Variants in SHLD1 observed in about 807,000 individuals in gnomAD.
SHLD1 encodes shieldin complex subunit 1.
A neutral mutation model predicts 5.5 loss-of-function variants in SHLD1; 3 were observed. The ratio of observed to expected loss-of-function variants is 0.54; its 90% CI spans 0.25 to 1.40. The LOEUF (loss-of-function observed/expected upper bound fraction) is 1.40. Ranked by LOEUF, SHLD1 falls within the 40% of genes most tolerant of loss-of-function variation. The pLI is 0.15. For synonymous variants in SHLD1, 92 were observed against 94.3 expected (o/e 0.98, Z 0.14); for missense variants, 210 against 244.4 (o/e 0.86, Z 0.94).
At chr20:5,764,156 A>ATATATATATATATATATT (rs1453233954) in intron 1 of SHLD1, among the ~76,000 whole-genome samples, 1 of 45,836 alleles carries the variant, frequency 2.2e-5, no homozygotes, top group Non-Finnish European at 4.3e-5. Flanking sequence ...ATATATTTAT[A>ATATATATATATATATATT]TTTATATATA....
intron 1 of SHLD1, among the ~76,000 whole-genome samples, chr20:5,761,534 G>T (rs1333948730): frequency 1.3e-5 from 2 of 151,646 alleles, no homozygotes; most frequent in Non-Finnish European, 2.9e-5. Flanking sequence ...GTTTCTTAAT[G>T]ATTACTATTT....
At position 5,836,751 on chromosome 20, in the gene SHLD1, C is replaced by G. The variant is rs1202487862; in HGVS notation, c.179-26273C>G. ...AGTTCAGTCATCCTATATGAAACTC[C>G]CCAGACCATAAGCCCTACCCATAGC... On this transcript the variant is annotated intron_variant, in intron 2 of 2. Coordinates refer to ENST00000303142, the MANE Select transcript of SHLD1 (RefSeq NM_152504.4). 2.0e-5 allele frequency among the ~76,000 whole-genome samples: 3 copies of G among 152,276 alleles called. No homozygotes were observed. In the South Asian group the frequency reaches 6.2e-4, roughly 32 times the overall value.
At chr20:5,760,253 G>T (rs985780467) in intron 1 of SHLD1, among the ~76,000 whole-genome samples, 4 of 152,054 alleles carry the variant, frequency 2.6e-5, no homozygotes, top group Non-Finnish European at 5.9e-5. Context: ...TGTGTGTGAG[G>T]GGGGCCTTTG....
chr20:5,845,992 G>A (rs920182523), intron 2 of SHLD1, among the ~76,000 whole-genome samples: 35 of 152,060 alleles, frequency 2.3e-4, no homozygotes, highest in Non-Finnish European at 4.7e-4. Context: ...ACTTAATGTC[G>A]ACTTGATATG....
At chr20:5,833,157 C>T (rs554993519) in intron 2 of SHLD1, among the ~76,000 whole-genome samples, 2 of 152,356 alleles carry the variant, frequency 1.3e-5, no homozygotes, top group East Asian at 3.9e-4. Flanking sequence ...CTAAAATAGA[C>T]TCCTCGGCTT....
rs563233390 is a variant in SHLD1, at chr20:5,803,755, C to A, written c.178+30712C>A. 1.2e-4 allele frequency among the ~76,000 whole-genome samples: 18 copies of A among 151,336 alleles called. No homozygotes were observed. In the South Asian group the frequency reaches 3.6e-3, roughly 30 times the overall value. On this transcript the variant is annotated intron_variant, in intron 2 of 2. Transcript: ENST00000303142. Reference sequence around the variant, plus strand: ...GGCGTGGTGGCACACACCTGTAGTCCCAGCTACTCAGAAGGCTAAGGCAGG... The same window carrying A: ...GGCGTGGTGGCACACACCTGTAGTCACAGCTACTCAGAAGGCTAAGGCAGG...
At chr20:5,826,950 C>T (rs2087673176) in intron 2 of SHLD1, among the ~76,000 whole-genome samples, 1 of 151,768 alleles carries the variant, frequency 6.6e-6, no homozygotes, top group Admixed American at 6.6e-5. Context: ...CCAGTCCCCT[C>T]TTTCTCCCAG....
At chr20:5,829,541 G>A (rs2087704187) in intron 2 of SHLD1, among the ~76,000 whole-genome samples, 1 of 152,170 alleles carries the variant, frequency 6.6e-6, no homozygotes, top group Non-Finnish European at 1.5e-5. Context: ...AAAAAATTGG[G>A]CAGATGGTCT....
intron 2 of SHLD1, among the ~76,000 whole-genome samples, chr20:5,799,467 ATTTTTTTTT>A (rs548170853): frequency 4.1e-5 from 4 of 98,514 alleles, no homozygotes; most frequent in Non-Finnish European, 3.9e-5. Flanking sequence ...TGCCTGGCTA[ATTTTTTTTT>A]TTTTTTTTTT....
At chr20:5,777,746 T>C (rs796488870) in intron 2 of SHLD1, among the ~76,000 whole-genome samples, 5 of 152,094 alleles carry the variant, frequency 3.3e-5, no homozygotes, top group African/African-American at 1.2e-4. Context: ...ATCACATTGT[T>C]ATTGGAAGAA....
intron 2 of SHLD1, among the ~76,000 whole-genome samples, chr20:5,849,758 G>A: frequency 1.3e-5 from 2 of 150,548 alleles, no homozygotes; most frequent in Non-Finnish European, 3.0e-5. Flanking sequence ...AGGAGATCGA[G>A]ACCATCCTGG....
chr20:5,785,796 CAAAA>C (rs34293571), intron 2 of SHLD1, among the ~76,000 whole-genome samples: 1 of 82,336 alleles, frequency 1.2e-5, no homozygotes. Context: ...ACTCCGTCTC[CAAAA>C]AAAAAAAAAA....
chr20:5,799,426 A>G (rs970866797), intron 2 of SHLD1, among the ~76,000 whole-genome samples: 1 of 150,542 alleles, frequency 6.6e-6, no homozygotes, highest in Non-Finnish European at 1.5e-5. Context: ...TTGGCCCCCC[A>G]AGTAGCTGAG....
At position 5,804,569 on chromosome 20, in the gene SHLD1, T is replaced by C. The variant is rs148493987; in HGVS notation, c.178+31526T>C. 5.8e-3 allele frequency among the ~76,000 whole-genome samples: 880 copies of C among 152,330 alleles called. 8 individuals carry two copies. Among genetic ancestry groups the C allele is most frequent in the African/African-American group, 0.019 (791 of 41,558 alleles). ...TGACCGTACAAGAACATTTCAGTTA[T>C]GGCCTAACATAATATGTGCTCTAAA... On this transcript the variant is annotated intron_variant, in intron 2 of 2. Coordinates refer to ENST00000303142, the MANE Select transcript of SHLD1 (RefSeq NM_152504.4).
chr20:5,824,970 T>C (rs2087649782), intron 2 of SHLD1, among the ~76,000 whole-genome samples: 1 of 152,242 alleles, frequency 6.6e-6, no homozygotes, highest in Non-Finnish European at 1.5e-5. Context: ...ACTACTTTAC[T>C]GAGTCCCTCC....
chr20:5,752,935 C>T (rs1983847545), intron 1 of SHLD1, among the ~76,000 whole-genome samples: 1 of 152,170 alleles, frequency 6.6e-6, no homozygotes, highest in Non-Finnish European at 1.5e-5. Context: ...GCTGGGATTA[C>T]AGGCACGCAT....
intron 2 of SHLD1, among the ~76,000 whole-genome samples, chr20:5,796,849 G>A (rs1029845324): frequency 2.7e-5 from 4 of 150,852 alleles, no homozygotes; most frequent in African/African-American, 7.3e-5. Context: ...AAAAAAAAAG[G>A]TGGAGAGGTG....
At chr20:5,798,521 C>T (rs1229340437) in intron 2 of SHLD1, among the ~76,000 whole-genome samples, 1 of 152,030 alleles carries the variant, frequency 6.6e-6, no homozygotes, top group Admixed American at 6.6e-5. Flanking sequence ...CCAGGATGGT[C>T]TCAATCTCCT....
intron 2 of SHLD1, among the ~76,000 whole-genome samples, chr20:5,853,377 C>CA (rs2088037078): frequency 6.6e-6 from 1 of 152,074 alleles, no homozygotes; most frequent in Admixed American, 6.6e-5. Flanking sequence ...ACCTGGGAGG[C>CA]AGAGTTTGCA....
Sources: gnomAD v4.1 joint callset for allele counts (sites outside exome capture counted in the v4.1 genomes callset) on GRCh38, gnomAD v4.1.1 for gene constraint, MANE v1.5 for transcripts, NCBI Gene and HGNC (gene_info 2026-07-23, HGNC 2026-07-21) for gene names.